Variants in GPHN observed in about 807,000 individuals in gnomAD.
GPHN encodes the protein gephyrin.
Under a neutral mutation model 95.5 loss-of-function variants are expected in GPHN, and 17 were observed. That is an observed-to-expected ratio of 0.18 (90% CI 0.12 to 0.27). The LOEUF (loss-of-function observed/expected upper bound fraction) is 0.27, where lower values mean the gene tolerates loss of function less well. Ranked by LOEUF, GPHN falls within the 10% of genes least tolerant of loss-of-function variation. The pLI is 1.00. For synonymous variants in GPHN, 320 were observed against 322.5 expected (o/e 0.99, Z 0.08); for missense variants, 660 against 978.1 (o/e 0.67, Z 4.34).
chr14:67,662,494 GT>G, the GPHN span: 1 of 1,611,726 alleles, frequency 6.2e-7, no homozygotes, highest in Non-Finnish European at 8.5e-7. Flanking sequence ...TTTGCTTCCT[GT>G]TGCTTTTCAT....
At chr14:67,688,983 T>C in the GPHN span, among the ~76,000 whole-genome samples, 1 of 152,122 alleles carries the variant, frequency 6.6e-6, no homozygotes, top group African/African-American at 2.4e-5. Flanking sequence ...CAAACCAGGG[T>C]TCTTTTACTG....
the GPHN span, among the ~76,000 whole-genome samples, chr14:67,275,824 C>G: frequency 3.3e-5 from 5 of 152,036 alleles, no homozygotes; most frequent in Non-Finnish European, 7.4e-5. Context: ...TTCAGGGATT[C>G]GACTTCTTCC....
the GPHN span, among the ~76,000 whole-genome samples, chr14:67,347,691 G>C: frequency 6.6e-6 from 1 of 151,758 alleles, no homozygotes; most frequent in Non-Finnish European, 1.5e-5. Flanking sequence ...GTAGACACGG[G>C]GTTTCTCCAT....
At chr14:66,933,232 A>G (rs2066922744) in intron 8 of GPHN, among the ~76,000 whole-genome samples, 1 of 152,238 alleles carries the variant, frequency 6.6e-6, no homozygotes, top group South Asian at 2.1e-4. Flanking sequence ...GAAATAGGTA[A>G]CAGAAAATAA....
intron 2 of GPHN, 25 bp from the exon 3 acceptor site, chr14:66,776,439 G>C (rs1372811453): frequency 7.3e-7 from 1 of 1,375,572 alleles, no homozygotes; most frequent in Admixed American, 1.7e-5. Flanking sequence ...CTGGTTTTGA[G>C]AATATTTTCT....
chr14:66,951,637 T>C (rs2068117921), intron 8 of GPHN, among the ~76,000 whole-genome samples: 1 of 151,610 alleles, frequency 6.6e-6, no homozygotes, highest in Admixed American at 6.6e-5. Flanking sequence ...AAGATCAAAG[T>C]GGGAAGACCT....
chr14:67,112,881 T>G (rs2078459119), intron 15 of GPHN, 137 bp from the exon 16 acceptor site: 16 of 729,538 alleles, frequency 2.2e-5, no homozygotes, highest in Non-Finnish European at 3.1e-5. Flanking sequence ...ATCCCTTCAA[T>G]TCATTGTTTT....
chr14:66,894,569 T>C lies in GPHN; in HGVS notation c.389+14536T>C, dbSNP rs559488689. Reference sequence around the variant, plus strand: ...CAAAAGAAACTACCATCAGAGTGAATAGGCAGCCTACAGAATGGGAGAAAA... The same window carrying C: ...CAAAAGAAACTACCATCAGAGTGAACAGGCAGCCTACAGAATGGGAGAAAA... On this transcript the variant is annotated intron_variant, in intron 5 of 22. Transcript: ENST00000478722. Among the ~76,000 whole-genome samples, 20 of 152,120 alleles carry C rather than the reference T, an allele frequency of 1.3e-4. No homozygotes were observed. In the South Asian group the frequency reaches 3.1e-3, roughly 24 times the overall value.
At chr14:67,543,975 G>A in the GPHN span, among the ~76,000 whole-genome samples, 5 of 152,280 alleles carry the variant, frequency 3.3e-5, no homozygotes, top group South Asian at 1.0e-3. Flanking sequence ...CCTCCCTAGA[G>A]TAATGTAAGG....
the GPHN span, chr14:67,321,276 G>A: frequency 3.7e-6 from 6 of 1,612,936 alleles, no homozygotes; most frequent in Admixed American, 1.7e-5. Context: ...CTAGAACTTT[G>A]TTTTAGGGTT....
intron 8 of GPHN, among the ~76,000 whole-genome samples, chr14:66,949,765 C>T (rs1298025177): frequency 6.6e-6 from 1 of 151,872 alleles, no homozygotes; most frequent in East Asian, 1.9e-4. Flanking sequence ...TTTTAAGTGG[C>T]AAAAATAATT....
At chr14:67,723,224 T>A in the GPHN span, among the ~76,000 whole-genome samples, 1 of 152,178 alleles carries the variant, frequency 6.6e-6, no homozygotes, top group East Asian at 1.9e-4. Flanking sequence ...AAAAGTGTGT[T>A]CTGAGTGGAG....
chr14:66,578,654 G>GAAAAAAAAA (rs574302625), intron 1 of GPHN, among the ~76,000 whole-genome samples: 8 of 59,660 alleles, frequency 1.3e-4, no homozygotes, highest in South Asian at 7.3e-4. Flanking sequence ...GGGATAGAGT[G>GAAAAAAAAA]AAAAAAAAAA....
At chr14:67,135,099 A>G (rs1198778807) in intron 17 of GPHN, among the ~76,000 whole-genome samples, 1 of 150,792 alleles carries the variant, frequency 6.6e-6, no homozygotes, top group Admixed American at 6.6e-5. Context: ...AACGGGCATT[A>G]CGGGCACCTG....
chr14:66,559,691 C>G (rs2060150363), intron 1 of GPHN, among the ~76,000 whole-genome samples: 1 of 151,562 alleles, frequency 6.6e-6, no homozygotes, highest in African/African-American at 2.4e-5. Context: ...TTGTAGGTTG[C>G]CTGTTCACTC....
At chr14:67,654,726 A>AT in the GPHN span, among the ~76,000 whole-genome samples, 1 of 152,096 alleles carries the variant, frequency 6.6e-6, no homozygotes, top group African/African-American at 2.4e-5. Context: ...CCATTGGTAA[A>AT]TTGTACCAAT....
the GPHN span, chr14:67,393,322 G>T: frequency 1.1e-6 from 1 of 933,864 alleles, no homozygotes; most frequent in Non-Finnish European, 1.8e-6. Flanking sequence ...CACTGCTAAG[G>T]GTATAAAGCA....
chr14:66,584,155 A>T (rs1465235096), intron 1 of GPHN, among the ~76,000 whole-genome samples: 4 of 152,036 alleles, frequency 2.6e-5, no homozygotes, highest in African/African-American at 4.8e-5. Flanking sequence ...GCAATTGTGA[A>T]TGGGAGTTCA....
At chr14:66,717,300 C>T (rs574588922) in intron 2 of GPHN, among the ~76,000 whole-genome samples, 19 of 152,162 alleles carry the variant, frequency 1.2e-4, no homozygotes, top group East Asian at 1.2e-3. Flanking sequence ...TGAGACTTTC[C>T]GGAGCATTTT....
Sources: allele counts gnomAD v4.1 joint callset (sites outside exome capture counted in the v4.1 genomes callset), GRCh38; gene constraint gnomAD v4.1.1; transcripts MANE v1.5; gene names NCBI Gene and HGNC (gene_info 2026-07-23, HGNC 2026-07-21).